The following AGL variants were observed in gnomAD, a reference collection of about 807,000 sequenced individuals.
The protein encoded by AGL is amylo-alpha-1,6-glucosidase and 4-alpha-glucanotransferase.
A neutral mutation model predicts 199.3 loss-of-function variants in AGL; 128 were observed. The observed-to-expected ratio is 0.64, with a 90% CI of 0.56 to 0.74. The LOEUF is 0.74. Ranked by LOEUF, AGL falls within the 30% of genes least tolerant of loss-of-function variation. The pLI, the probability that AGL is intolerant of heterozygous loss-of-function variation, is 0.00. For missense variants in AGL, 1,809 were observed against 1,820.8 expected (o/e 0.99, Z 0.12); for synonymous variants, 584 against 594.7 (o/e 0.98, Z 0.26).
In AGL at chr1:99,894,403, C is replaced by T. The variant is rs574994837; in HGVS notation, c.3259+1796C>T. On this transcript the variant is annotated intron_variant, in intron 24 of 33. Coordinates refer to ENST00000361915, the MANE Select transcript of AGL (RefSeq NM_000642.3). ...GATTCAGACTCACCTTTGAATCTAC[C>T]TGTATTCATGTTTCATACAAGGAAT... Among the ~76,000 whole-genome samples the T allele has an allele frequency of 2.0e-5, 3 of 152,228 alleles. No homozygotes were observed. The South Asian group carries it at 6.2e-4, about 32-fold the overall frequency.
At position 99,861,684 on chromosome 1, in the gene AGL, T is replaced by C; in HGVS notation, c.264T>C (p.Ser88=). The change falls in exon 3 of 34, where the codon TCT becomes TCC. Residue 88 remains serine, a synonymous_variant. Coordinates refer to ENST00000361915, the MANE Select transcript of AGL (RefSeq NM_000642.3). ...ACTGTAAACTTAATCTGCAACAATCTGGTTCATTTCAGTATTATTTCCTTC... is the reference window on the plus strand; with the variant it reads ...ACTGTAAACTTAATCTGCAACAATCCGGTTCATTTCAGTATTATTTCCTTC... ...DKYCKLNLQQ[S]GSFQYYFLQG... The C allele has an allele frequency of 6.2e-7, 1 of 1,613,774 alleles. No homozygotes were observed. The highest frequency in any genetic ancestry group is 8.5e-7 in the Non-Finnish European group (1 of 1,179,754).
At chr1:99,904,456 T>C (rs1241113299) in intron 27 of AGL, among the ~76,000 whole-genome samples, 2 of 152,128 alleles carry the variant, frequency 1.3e-5, no homozygotes, top group African/African-American at 4.8e-5. Flanking sequence ...TTTTCAACTT[T>C]TAAAAGTTTT....
chr1:99,871,890 A>T (rs1474118365), intron 7 of AGL, among the ~76,000 whole-genome samples: 1 of 152,024 alleles, frequency 6.6e-6, no homozygotes, highest in African/African-American at 2.4e-5. Flanking sequence ...CCCACATCTC[A>T]GCTACTACAT....
Position 99,916,614 on chromosome 1 carries a change from T to C in AGL, c.4364T>C (p.Ile1455Thr), listed in dbSNP as rs1372429844. ...CTTTTTTAGGAGTGGCTGTGGCCTATTGGGTATTTTCTTCGTGCAAAATTA... is the reference window on the plus strand; with the variant it reads ...CTTTTTTAGGAGTGGCTGTGGCCTACTGGGTATTTTCTTCGTGCAAAATTA... The part of the protein sequence containing the change: ...YHQGPEWLWP[I>T]GYFLRAKLYF... Residue 1455 changes from isoleucine to threonine, a missense_variant, in exon 33 of 34, where the codon ATT (isoleucine) becomes ACT (threonine). Physicochemically the swap from Ile to Thr is moderately conservative, Grantham distance 89. Coordinates refer to ENST00000361915, the MANE Select transcript of AGL (RefSeq NM_000642.3). 1.9e-6 allele frequency: 3 copies of C among 1,613,372 alleles called. No individual in the cohort carries two copies. The highest frequency in any genetic ancestry group is 1.7e-5 in the Admixed American group (1 of 59,878).
In AGL at chr1:99,880,645, A is replaced by T; in HGVS notation, c.1749A>T (p.Ala583=). ...AATGCTCTGCAGAGGCAATGAGTGC[A>T]TATAATAGTCATGAAGAGGGCAGAT... The part of the protein sequence containing the change: ...ISSLIREAMS[A]YNSHEEGRLV... Residue 583 remains alanine (A), a synonymous_variant, in exon 14 of 34, where the codon GCA becomes GCT. Transcript: ENST00000361915. The T allele has an allele frequency of 6.2e-7, 1 of 1,614,028 alleles. No homozygotes were observed. Among genetic ancestry groups the T allele is most frequent in the Non-Finnish European group, 8.5e-7 (1 of 1,179,902 alleles).
chr1:99,871,410 GCCCCC>G (rs5776495), intron 7 of AGL, among the ~76,000 whole-genome samples: 2 of 141,872 alleles, frequency 1.4e-5, no homozygotes, highest in African/African-American at 2.5e-5. Context: ...CAGTTAATGT[GCCCCC>G]CCCCCCCCAA....
rs374031091 is a variant in AGL, at chr1:99,875,134, C to T, written c.1083-20C>T. 1.0e-5 allele frequency: 16 copies of T among 1,594,298 alleles called. No individual in the cohort carries two copies. Among genetic ancestry groups the T allele is most frequent in the Non-Finnish European group, 1.4e-5 (16 of 1,162,680 alleles). On this transcript the variant is annotated intron_variant, in intron 8 of 33. Coordinates refer to ENST00000361915, the MANE Select transcript of AGL (RefSeq NM_000642.3). ...GTAAAGCCATTAAATATTATATCTG[C>T]ATTTCTCCATCTGCTCTAGCAAGGG...
chr1:99,911,204 TTCTG>T (rs1654729474), intron 28 of AGL, among the ~76,000 whole-genome samples: 1 of 152,222 alleles, frequency 6.6e-6, no homozygotes, highest in East Asian at 1.9e-4. Context: ...CAACCAGTTG[TTCTG>T]TCTTTTATGC....
intron 13 of AGL, 148 bp downstream of exon 13, chr1:99,880,194 ACTCAGT>A: frequency 2.4e-6 from 3 of 1,275,722 alleles, no homozygotes; most frequent in Non-Finnish European, 3.3e-6. Flanking sequence ...TTCTAATATA[ACTCAGT>A]CTATTTTTAT....
In AGL at chr1:99,855,062, G is replaced by C. The variant is rs553935746; in HGVS notation, c.82+3938G>C. 4.6e-5 allele frequency among the ~76,000 whole-genome samples: 7 copies of C among 151,826 alleles called. No homozygotes were observed. The South Asian group carries it at 8.3e-4, about 18-fold the overall frequency. ...CTAAAAATATAAAAATTAGCCAGGC[G>C]TGCTGGCGGGTGCCTGTAATCCCAG... On this transcript the variant is annotated intron_variant, in intron 2 of 33. Transcript: ENST00000361915.
Position 99,856,403 on chromosome 1 carries a change from TTTCCTTCC to T in AGL, c.83-5096_83-5089del, listed in dbSNP as rs879549697. Reference sequence around the variant, plus strand: ...TCCTCCCTCCCTCCCTCCTTCCTTCTTTCCTTCCTTCTTCCCTTTCTTTTCTTTTCTTG... The same window carrying T: ...TCCTCCCTCCCTCCCTCCTTCCTTCTTTCTTCCCTTTCTTTTCTTTTCTTG... On this transcript the variant is annotated intron_variant, in intron 2 of 33. Transcript: ENST00000361915. Among the ~76,000 whole-genome samples the T allele has an allele frequency of 2.9e-3, 413 of 143,466 alleles. 1 individual carries two copies. Among genetic ancestry groups the T allele is most frequent in the Non-Finnish European group, 4.6e-3 (300 of 65,328 alleles). 94.1% of individuals were successfully genotyped at this position (143,466 alleles called of 152,430 possible).
At chr1:99,864,837 G>A (rs1650371417) in intron 5 of AGL, among the ~76,000 whole-genome samples, 1 of 152,124 alleles carries the variant, frequency 6.6e-6, no homozygotes, top group Admixed American at 6.6e-5. Flanking sequence ...ATAAATACAG[G>A]AGAGTGATCA....
At position 99,923,693 on chromosome 1, in the gene AGL, T is replaced by C. The variant is rs1655662966; in HGVS notation, c.*2042T>C. On this transcript the variant is annotated 3_prime_UTR_variant, in exon 34 of 34. Transcript: ENST00000361915. ...AGAATTAGATTTTTAACAGGTGTCA[T>C]TTGACTAAACGTTTCGGTAGAATGC... is the stretch of plus-strand genomic sequence containing the variant. 1 of 152,214 alleles carries C rather than the reference T, an allele frequency of 6.6e-6. No individual in the cohort carries two copies. Among genetic ancestry groups the C allele is most frequent in the Admixed American group, 6.5e-5 (1 of 15,278 alleles). 9.4% of individuals were successfully genotyped at this position (152,214 alleles called of 1,614,324 possible).
intron 12 of AGL, among the ~76,000 whole-genome samples, chr1:99,879,364 C>G (rs896023633): frequency 8.8e-5 from 10 of 113,650 alleles, no homozygotes; most frequent in East Asian, 4.1e-4. Context: ...GCAGGCAGAT[C>G]AGCTGAGGTT....
intron 27 of AGL, 58 bp downstream of exon 27, chr1:99,902,852 C>G (rs1047918070): frequency 7.9e-7 from 1 of 1,260,344 alleles, no homozygotes; most frequent in Admixed American, 1.8e-5. Flanking sequence ...TTAAACCTTG[C>G]AATTGTTCAC....
chr1:99,891,187 A>G (rs763443207), intron 21 of AGL, 33 bp from the exon 22 acceptor site: 4 of 1,612,790 alleles, frequency 2.5e-6, no homozygotes, highest in Non-Finnish European at 3.4e-6. Context: ...GATGCTACCA[A>G]TAATACAGCA....
At chr1:99,850,829 T>C (rs1648889145) in intron 1 of AGL, 146 bp from the exon 2 acceptor site, 3 of 578,800 alleles carry the variant, frequency 5.2e-6, no homozygotes, top group East Asian at 6.1e-5. Flanking sequence ...ATTTGCCTTC[T>C]CGAATCTTAA....
At chr1:99,896,842 G>A (rs947047924) in intron 25 of AGL, among the ~76,000 whole-genome samples, 25 of 151,994 alleles carry the variant, frequency 1.6e-4, no homozygotes, top group Admixed American at 1.4e-3. Flanking sequence ...ACAGAGTCTC[G>A]CACTGTCGTC....
intron 5 of AGL, among the ~76,000 whole-genome samples, chr1:99,864,794 A>G (rs1650368676): frequency 1.3e-5 from 2 of 152,226 alleles, no homozygotes; most frequent in Non-Finnish European, 2.9e-5. Context: ...TTGAGGATTA[A>G]GTCAATATAT....
Sources: allele counts gnomAD v4.1 joint callset (sites outside exome capture counted in the v4.1 genomes callset), GRCh38; gene constraint gnomAD v4.1.1; transcripts MANE v1.5; gene names NCBI Gene and HGNC (gene_info 2026-07-23, HGNC 2026-07-21).